Variants in MMRN1 observed in about 807,000 individuals in gnomAD.
The protein encoded by MMRN1 is multimerin 1, also known as multimerin-1.
MMRN1 carries 94 observed loss-of-function variants against 100.7 expected under a neutral mutation model. The ratio of observed to expected loss-of-function variants is 0.93; its 90% CI spans 0.79 to 1.11. The LOEUF is 1.11. MMRN1 is among the 50% of genes least tolerant of loss of function. The pLI is 0.00. For synonymous variants in MMRN1, 575 were observed against 505.0 expected (o/e 1.14, Z -1.86); for missense variants, 1,606 against 1,439.1 (o/e 1.12, Z -1.88).
At chr4:89,889,726 G>A (rs1721008747) in intron 1 of MMRN1, among the ~76,000 whole-genome samples, 1 of 152,100 alleles carries the variant, frequency 6.6e-6, no homozygotes, top group Non-Finnish European at 1.5e-5. Context: ...TAGACATCAT[G>A]TGTTCACCCA....
intron 4 of MMRN1, among the ~76,000 whole-genome samples, chr4:89,925,302 ATTTTTTTTTTTTT>A (rs1176427401): frequency 9.8e-5 from 10 of 101,962 alleles, no homozygotes; most frequent in African/African-American, 1.7e-4. Flanking sequence ...TGCCTGGTTA[ATTTTTTTTTTTTT>A]TTTTTTTTTT....
intron 1 of MMRN1, among the ~76,000 whole-genome samples, chr4:89,882,216 T>A (rs6847403): frequency 0.11 from 16,580 of 151,582 alleles, 1,696 homozygotes; most frequent in East Asian, 0.32. Context: ...AACTACTTCC[T>A]ATGAGTTTTT....
At chr4:89,930,078 A>G (rs1482776626) in intron 5 of MMRN1, among the ~76,000 whole-genome samples, 1 of 152,142 alleles carries the variant, frequency 6.6e-6, no homozygotes, top group African/African-American at 2.4e-5. Context: ...AAGAAAGTGG[A>G]AGCATATGAG....
At chr4:89,926,477 C>T (rs148147564) in intron 4 of MMRN1, among the ~76,000 whole-genome samples, 36 of 152,110 alleles carry the variant, frequency 2.4e-4, no homozygotes, top group East Asian at 7.7e-4. Flanking sequence ...ATTGGATTAT[C>T]GGGTGTTTTC....
upstream of MMRN1, among the ~76,000 whole-genome samples, chr4:89,892,431 A>G (rs1282897091): frequency 1.3e-5 from 2 of 151,658 alleles, no homozygotes; most frequent in Non-Finnish European, 2.9e-5. Context: ...CTCTTCAGCC[A>G]GTCATCTCAG....
chr4:89,898,379 A>T (rs1578466118), intron 1 of MMRN1, among the ~76,000 whole-genome samples: 1 of 152,024 alleles, frequency 6.6e-6, no homozygotes, highest in Non-Finnish European at 1.5e-5. Context: ...AACAAAGCTC[A>T]GGGCAAAGAC....
chr4:89,944,501 G>A (rs917961524), intron 6 of MMRN1, among the ~76,000 whole-genome samples: 6 of 152,170 alleles, frequency 3.9e-5, no homozygotes, highest in African/African-American at 1.4e-4. Flanking sequence ...AACAGACAAT[G>A]ATGACACTAT....
intron 1 of MMRN1, among the ~76,000 whole-genome samples, chr4:89,900,365 T>G (rs1470059780): frequency 6.6e-6 from 1 of 152,112 alleles, no homozygotes; most frequent in African/African-American, 2.4e-5. Context: ...AGGAAACTTT[T>G]TTTGCTCTTG....
chr4:89,899,840 T>C (rs1721327354), intron 1 of MMRN1, among the ~76,000 whole-genome samples: 1 of 151,984 alleles, frequency 6.6e-6, no homozygotes, highest in South Asian at 2.1e-4. Context: ...CATCTTCTAC[T>C]TGCCGTTATT....
intron 1 of MMRN1, among the ~76,000 whole-genome samples, chr4:89,907,821 GT>G (rs1377670700): frequency 7.9e-6 from 1 of 126,390 alleles, no homozygotes; most frequent in Admixed American, 7.8e-5. Flanking sequence ...TGTCATGCCT[GT>G]TTTTTTGTTT....
intron 1 of MMRN1, among the ~76,000 whole-genome samples, chr4:89,887,094 G>C (rs1038215575): frequency 6.6e-6 from 1 of 151,936 alleles, no homozygotes; most frequent in African/African-American, 2.4e-5. Context: ...ACAAATTAAA[G>C]AAAACATGTG....
chr4:89,919,633 GACTA>G (rs767550100), intron 3 of MMRN1, among the ~76,000 whole-genome samples: 1 of 151,672 alleles, frequency 6.6e-6, no homozygotes, highest in Non-Finnish European at 1.5e-5. Flanking sequence ...AGATGTTCCA[GACTA>G]ACTGAGTTTG....
chr4:89,890,609 T>A (rs529640490), upstream of MMRN1, among the ~76,000 whole-genome samples: 1 of 152,308 alleles, frequency 6.6e-6, no homozygotes, highest in South Asian at 2.1e-4. Context: ...AAGTCACTAA[T>A]GATAATCACT....
chr4:89,911,836 G>T (rs1721759427), intron 2 of MMRN1, 108 bp from the exon 3 acceptor site: 2 of 667,304 alleles, frequency 3.0e-6, no homozygotes, highest in Non-Finnish European at 5.2e-6. Context: ...CTAAATAAAT[G>T]CTTGTTATAT....
At chr4:89,896,264 C>A (rs1045764391) in intron 1 of MMRN1, among the ~76,000 whole-genome samples, 3 of 152,142 alleles carry the variant, frequency 2.0e-5, no homozygotes. Context: ...CTCAACAACT[C>A]AAATTTTGCT....
upstream of MMRN1, among the ~76,000 whole-genome samples, chr4:89,893,273 G>T (rs910933660): frequency 2.6e-5 from 4 of 152,014 alleles, no homozygotes; most frequent in African/African-American, 9.7e-5. Flanking sequence ...TATCAGAGTC[G>T]ATTGGGGTTG....
chr4:89,936,941 CATT>C (rs1453246637), intron 6 of MMRN1, 143 bp downstream of exon 6: 3 of 689,046 alleles, frequency 4.4e-6, no homozygotes, highest in African/African-American at 3.6e-5. Context: ...AGATCACTGA[CATT>C]ATTTAAATCT....
At chr4:89,914,895 G>A (rs538415367) in intron 3 of MMRN1, among the ~76,000 whole-genome samples, 101 of 151,506 alleles carry the variant, frequency 6.7e-4, no homozygotes, top group African/African-American at 2.4e-3. Flanking sequence ...GATTACAGAG[G>A]ATGAAGAAAA....
intron 4 of MMRN1, among the ~76,000 whole-genome samples, chr4:89,926,039 T>C (rs1162463718): frequency 1.3e-5 from 2 of 152,210 alleles, no homozygotes; most frequent in Non-Finnish European, 2.9e-5. Context: ...GATGGTCATG[T>C]ATGTTTCTTC....
Sources: allele counts gnomAD v4.1 joint callset (sites outside exome capture counted in the v4.1 genomes callset), GRCh38; gene constraint gnomAD v4.1.1; transcripts MANE v1.5; gene names NCBI Gene and HGNC (gene_info 2026-07-23, HGNC 2026-07-21).